PRLR: variants seen among roughly 807,000 people sequenced by gnomAD.
The protein encoded by PRLR is hPRL receptor.
A neutral mutation model predicts 40.2 loss-of-function variants in PRLR; 13 were observed. That is an observed-to-expected ratio of 0.32 (90% CI 0.21 to 0.51). The LOEUF is 0.51. Among genes scored for constraint, PRLR ranks in the 20% least tolerant of loss-of-function variants. PRLR has a pLI of 0.97. For synonymous variants in PRLR, 269 were observed against 278.7 expected, an observed-to-expected ratio of 0.97 and a Z score of 0.35; for missense variants, 656 against 747.3, an observed-to-expected ratio of 0.88 and a Z score of 1.42.
chr5:35,156,158 C>A (rs1481259598), intron 1 of PRLR, among the ~76,000 whole-genome samples: 57 of 147,226 alleles, frequency 3.9e-4, no homozygotes, highest in African/African-American at 1.4e-3. Context: ...AAAACAAAAC[C>A]AACTTTGAAT....
chr5:35,065,785 G>A lies in PRLR; in HGVS notation c.1173C>T (p.Thr391=). 2 of 1,614,172 alleles carry A rather than the reference G, an allele frequency of 1.2e-6. No individual in the cohort carries two copies. The highest frequency in any genetic ancestry group is 1.1e-5 in the South Asian group (1 of 91,080). Residue 391 remains threonine (T), a synonymous_variant, in exon 10 of 10, where the codon ACC becomes ACT. Transcript: ENST00000618457. ...CCATGCTTATGCACTGGGGGTCCCAGGTGTGGGTTGTTTCAGGATTCTCTG... is the reference window on the plus strand; with the variant it reads ...CCATGCTTATGCACTGGGGGTCCCAAGTGTGGGTTGTTTCAGGATTCTCTG... The part of the protein sequence containing the change: ...EKPENPETTH[T]WDPQCISMEG...
intron 1 of PRLR, among the ~76,000 whole-genome samples, chr5:35,189,579 TA>T (rs67985035): frequency 0.88 from 128,329 of 145,554 alleles, 57,097 homozygotes; most frequent in African/African-American, 0.93. Flanking sequence ...AAACTCCGTT[TA>T]AAAAAAAAAA....
intron 1 of PRLR, 48 bp downstream of exon 1, chr5:35,230,220 C>T (rs1361842165): frequency 6.6e-6 from 1 of 152,296 alleles, no homozygotes; most frequent in African/African-American, 2.4e-5. Context: ...CCGCGCAGCC[C>T]CTGCCGCGCG....
At chr5:35,117,698 A>T (rs1579689830) in intron 2 of PRLR, among the ~76,000 whole-genome samples, 2 of 152,358 alleles carry the variant, frequency 1.3e-5, no homozygotes, top group Non-Finnish European at 2.9e-5. Flanking sequence ...AAAAGCAAGC[A>T]CAATATTTCT....
chr5:35,051,037 G>A (rs1768479769), downstream of PRLR, among the ~76,000 whole-genome samples: 1 of 152,164 alleles, frequency 6.6e-6, no homozygotes, highest in Admixed American at 6.5e-5. Flanking sequence ...ATGGAAAACT[G>A]ATTTTCTTGA....
At position 35,062,400 on chromosome 5, in the gene PRLR, T is replaced by A. The variant is rs1769094052; in HGVS notation, c.*2689A>T. 6.6e-6 allele frequency: 1 copy of A among 152,190 alleles called. No homozygotes were observed. The highest frequency in any genetic ancestry group is 1.5e-5 in the Non-Finnish European group (1 of 68,068). The allele number at this position is 152,190 out of a possible 1,614,324, so 9.4% of individuals were successfully genotyped here. A position where few individuals can be genotyped will look rare whatever the true frequency, so the allele number is the denominator to read the frequency against. On this transcript the variant is annotated 3_prime_UTR_variant, in exon 10 of 10. Coordinates refer to ENST00000618457, the MANE Select transcript of PRLR (RefSeq NM_000949.7). ...TCACCGCCCCCCTGCCCCACATGTA[T>A]CCTTCCATTTGAACAGCTGTCTCCT...
At chr5:35,219,038 G>T (rs945821310) in intron 1 of PRLR, among the ~76,000 whole-genome samples, 16 of 152,136 alleles carry the variant, frequency 1.1e-4, no homozygotes, top group African/African-American at 3.9e-4. Context: ...GTGGGGGGTG[G>T]TTTATCCTCC....
intron 5 of PRLR, among the ~76,000 whole-genome samples, chr5:35,082,207 T>C (rs1770569315): frequency 6.6e-6 from 1 of 152,076 alleles, no homozygotes; most frequent in Non-Finnish European, 1.5e-5. Context: ...AAAAAGAAAA[T>C]TGCCATCAAG....
At chr5:35,052,719 C>T (rs565647229), downstream of PRLR, among the ~76,000 whole-genome samples, 2 of 152,142 alleles carry the variant, frequency 1.3e-5, no homozygotes, top group East Asian at 1.9e-4. Flanking sequence ...CATAAGACCC[C>T]CTTTCCAGAG....
At chr5:35,186,007 A>G (rs113011420) in intron 1 of PRLR, among the ~76,000 whole-genome samples, 3 of 152,296 alleles carry the variant, frequency 2.0e-5, no homozygotes, top group African/African-American at 7.2e-5. Context: ...TCATCTATCT[A>G]GGAGACAGTC....
chr5:35,051,198 T>G (rs1768486406), downstream of PRLR, among the ~76,000 whole-genome samples: 1 of 152,218 alleles, frequency 6.6e-6, no homozygotes, highest in African/African-American at 2.4e-5. Context: ...CACTAGACTG[T>G]AATCCCCAAG....
intron 3 of PRLR, 46 bp downstream of exon 3, chr5:35,089,505 C>A (rs1457005935): frequency 7.1e-7 from 1 of 1,401,432 alleles, no homozygotes; most frequent in Admixed American, 1.7e-5. Flanking sequence ...ACCCTGTTGA[C>A]AAACACCCCA....
intron 2 of PRLR, among the ~76,000 whole-genome samples, chr5:35,103,773 G>A (rs1333396812): frequency 2.0e-5 from 3 of 152,164 alleles, no homozygotes; most frequent in Non-Finnish European, 4.4e-5. Context: ...AATTTGGAAG[G>A]GAAGTTTGAT....
At chr5:35,074,463 A>C (rs911062779) in intron 5 of PRLR, among the ~76,000 whole-genome samples, 5 of 140,914 alleles carry the variant, frequency 3.5e-5, no homozygotes, top group African/African-American at 1.4e-4. Context: ...ACTCCATTTC[A>C]AAAAAAAAAA....
chr5:35,087,131 C>G (rs997127665), intron 3 of PRLR, among the ~76,000 whole-genome samples: 5 of 152,126 alleles, frequency 3.3e-5, no homozygotes, highest in African/African-American at 1.2e-4. Context: ...GCTGGGATTA[C>G]AGGTGCACAC....
intron 2 of PRLR, among the ~76,000 whole-genome samples, chr5:35,116,452 G>T (rs902571971): frequency 3.3e-5 from 5 of 152,196 alleles, no homozygotes; most frequent in African/African-American, 1.2e-4. Flanking sequence ...ATGAATACAT[G>T]TCTATGAATA....
intron 1 of PRLR, among the ~76,000 whole-genome samples, chr5:35,196,288 AATGTAT>A (rs1390117131): frequency 6.6e-6 from 1 of 152,166 alleles, no homozygotes; most frequent in Admixed American, 6.5e-5. Flanking sequence ...GGAGGTGACA[AATGTAT>A]ATGGTAAGGT....
rs1439756155 is a variant in PRLR at position 35,134,772 on chromosome 5, G to T, written c.-105-16650C>A. ...ATTAAAATCACCTCCTAGACAGTGA[G>T]TCTCCAGTGATGCACATTGGAATCA... On this transcript the variant is annotated intron_variant, in intron 1 of 9. Transcript: ENST00000618457. Among the ~76,000 whole-genome samples, 3 of 152,204 alleles carry T rather than the reference G, an allele frequency of 2.0e-5. No individual in the cohort carries two copies. The East Asian group carries it at 5.8e-4, about 29-fold the overall frequency.
chr5:35,213,379 CTT>C (rs1317972568), intron 1 of PRLR, among the ~76,000 whole-genome samples: 1 of 152,188 alleles, frequency 6.6e-6, no homozygotes, highest in African/African-American at 2.4e-5. Context: ...GGTTATCACA[CTT>C]GGATTATGCC....
Sources: gnomAD v4.1 joint callset for allele counts (sites outside exome capture counted in the v4.1 genomes callset) on GRCh38, gnomAD v4.1.1 for gene constraint, MANE v1.5 for transcripts, NCBI Gene and HGNC (gene_info 2026-07-23, HGNC 2026-07-21) for gene names.